MYO16: variants seen among roughly 807,000 people sequenced by gnomAD.
MYO16 encodes myosin XVI.
A neutral mutation model predicts 205.3 loss-of-function variants in MYO16; 94 were observed. That is an observed-to-expected ratio of 0.46 (90% CI 0.39 to 0.54). The LOEUF is 0.54. Ranked by LOEUF, MYO16 falls within the 20% of genes least tolerant of loss-of-function variation. The pLI is 0.00. For missense variants in MYO16, 2,315 were observed against 2,387.5 expected (o/e 0.97, Z 0.63); for synonymous variants, 988 against 954.0 (o/e 1.04, Z -0.66).
At chr13:108,671,106 T>G (rs946343961) in intron 2 of MYO16, among the ~76,000 whole-genome samples, 1 of 152,172 alleles carries the variant, frequency 6.6e-6, no homozygotes, top group African/African-American at 2.4e-5. Flanking sequence ...TAACTTTTAG[T>G]TGTGTTTTAT....
chr13:108,873,839 T>C (rs1373011319), intron 12 of MYO16, among the ~76,000 whole-genome samples: 1 of 152,266 alleles, frequency 6.6e-6, no homozygotes, highest in Non-Finnish European at 1.5e-5. Context: ...TTGTGCTGCC[T>C]ATTTATGTTG....
Position 108,940,267 on chromosome 13 carries a change from G to A in MYO16, c.1926-17421G>A, listed in dbSNP as rs142885256. On this transcript the variant is annotated intron_variant, in intron 16 of 34. Transcript: ENST00000457511. The stretch of plus-strand genomic sequence containing the variant: ...GCCCTGGGAGATAAGATAAAATTCC[G>A]GTATTTTGGCCTATGTTGCCCAATA... Among the ~76,000 whole-genome samples the A allele has an allele frequency of 3.9e-3, 594 of 152,162 alleles. 7 individuals are homozygous for A. The highest frequency in any genetic ancestry group is 0.018 in the South Asian group (86 of 4,824).
At chr13:108,675,474 T>A (rs1349362235) in intron 2 of MYO16, among the ~76,000 whole-genome samples, 1 of 152,232 alleles carries the variant, frequency 6.6e-6, no homozygotes, top group African/African-American at 2.4e-5. Flanking sequence ...TAATATTTCA[T>A]GAACACAAAT....
the MYO16 span, among the ~76,000 whole-genome samples, chr13:108,586,257 A>G: frequency 4.6e-5 from 7 of 152,220 alleles, no homozygotes; most frequent in Non-Finnish European, 7.3e-5. Flanking sequence ...CTGAATTAAT[A>G]TTAACAAATA....
intron 9 of MYO16, among the ~76,000 whole-genome samples, chr13:108,825,125 A>G (rs1035798914): frequency 3.9e-5 from 6 of 152,100 alleles, no homozygotes; most frequent in Non-Finnish European, 5.9e-5. Context: ...CAACCTTATG[A>G]ATATAGCTTT....
chr13:108,607,107 TA>T (rs1242681300), intron 1 of MYO16, among the ~76,000 whole-genome samples: 1 of 152,188 alleles, frequency 6.6e-6, no homozygotes, highest in African/African-American at 2.4e-5. Flanking sequence ...AGGAAGTAAT[TA>T]ACTTGCTTTT....
At chr13:108,920,410 C>T (rs1327932377) in intron 16 of MYO16, among the ~76,000 whole-genome samples, 1 of 150,770 alleles carries the variant, frequency 6.6e-6, no homozygotes, top group Non-Finnish European at 1.5e-5. Flanking sequence ...TTCCTTCTCT[C>T]TCTCTTTCTT....
At chr13:108,601,072 T>G (rs1333632263) in intron 1 of MYO16, among the ~76,000 whole-genome samples, 1 of 152,128 alleles carries the variant, frequency 6.6e-6, no homozygotes, top group Non-Finnish European at 1.5e-5. Flanking sequence ...TTGACCCATA[T>G]AAAAGCCTTA....
At chr13:108,751,058 T>C (rs1389322299) in intron 4 of MYO16, among the ~76,000 whole-genome samples, 1 of 100,922 alleles carries the variant, frequency 9.9e-6, no homozygotes, top group African/African-American at 3.7e-5. Context: ...TATATATGTG[T>C]GTTCACACAC....
intron 7 of MYO16, among the ~76,000 whole-genome samples, chr13:108,819,505 G>A (rs1233617405): frequency 6.6e-6 from 1 of 151,956 alleles, no homozygotes; most frequent in Non-Finnish European, 1.5e-5. Context: ...GGCCAACTCT[G>A]GGAAATAGAG....
chr13:109,071,390 T>G (rs1397864880), intron 27 of MYO16, among the ~76,000 whole-genome samples: 1 of 152,146 alleles, frequency 6.6e-6, no homozygotes, highest in Admixed American at 6.6e-5. Flanking sequence ...GTCCTGAAAA[T>G]TAGCAGTGCG....
At chr13:108,925,471 G>A (rs2139275818) in intron 16 of MYO16, among the ~76,000 whole-genome samples, 1 of 152,190 alleles carries the variant, frequency 6.6e-6, no homozygotes, top group South Asian at 2.1e-4. Flanking sequence ...TGATTTATAA[G>A]TGCAAGTAAT....
At chr13:109,176,598 A>G (rs897170630) in intron 33 of MYO16, among the ~76,000 whole-genome samples, 1 of 149,638 alleles carries the variant, frequency 6.7e-6, no homozygotes, top group Non-Finnish European at 1.5e-5. Flanking sequence ...AAAAAAAAAA[A>G]AAAGACCTCC....
intron 28 of MYO16, among the ~76,000 whole-genome samples, chr13:109,119,772 G>A (rs1234861485): frequency 6.6e-6 from 1 of 152,136 alleles, no homozygotes; most frequent in African/African-American, 2.4e-5. Flanking sequence ...CCCTACTACT[G>A]TTTGTGCAAA....
chr13:108,781,529 C>T (rs776907656), intron 4 of MYO16, among the ~76,000 whole-genome samples: 21 of 152,182 alleles, frequency 1.4e-4, no homozygotes, highest in African/African-American at 5.1e-4. Flanking sequence ...CCATTGCCTT[C>T]GGGGTCAGTA....
chr13:108,614,387 G>A (rs1252055476), intron 1 of MYO16, among the ~76,000 whole-genome samples: 1 of 152,002 alleles, frequency 6.6e-6, no homozygotes, highest in Non-Finnish European at 1.5e-5. Context: ...TGGAAAGATG[G>A]CAATGCTCCC....
intron 12 of MYO16, among the ~76,000 whole-genome samples, chr13:108,878,076 T>A (rs1173917679): frequency 1.3e-5 from 2 of 152,128 alleles, no homozygotes; most frequent in Non-Finnish European, 2.9e-5. Flanking sequence ...TTACCACTGA[T>A]AGGTGGTGCA....
At chr13:108,651,562 T>C (rs1315456998) in intron 1 of MYO16, among the ~76,000 whole-genome samples, 3 of 152,158 alleles carry the variant, frequency 2.0e-5, no homozygotes, top group Non-Finnish European at 2.9e-5. Context: ...TGGTGTTATT[T>C]CCATTTTAAA....
At chr13:109,100,338 T>C (rs947250273) in intron 27 of MYO16, among the ~76,000 whole-genome samples, 5 of 152,316 alleles carry the variant, frequency 3.3e-5, no homozygotes, top group African/African-American at 9.6e-5. Context: ...AAATAAGTAT[T>C]CTGAATGGAC....
Sources: gnomAD v4.1 joint callset for allele counts (sites outside exome capture counted in the v4.1 genomes callset) on GRCh38, gnomAD v4.1.1 for gene constraint, MANE v1.5 for transcripts, NCBI Gene and HGNC (gene_info 2026-07-23, HGNC 2026-07-21) for gene names.